The following MCM10 variants were observed in gnomAD, a reference collection of about 807,000 sequenced individuals.
MCM10 encodes protein MCM10 homolog.
Under a neutral mutation model 109.9 loss-of-function variants are expected in MCM10, and 91 were observed. The observed-to-expected ratio is 0.83, with a 90% CI of 0.70 to 0.99. MCM10 has a LOEUF of 0.99. MCM10 is among the 50% of genes least tolerant of loss of function. The pLI is 0.00. For synonymous variants in MCM10, 380 were observed against 387.2 expected (o/e 0.98, Z 0.22); for missense variants, 1,077 against 1,061.2 (o/e 1.01, Z -0.21).
intron 14 of MCM10, chr10:13,195,493 A>T: frequency 2.5e-6 from 1 of 401,806 alleles, no homozygotes; most frequent in Admixed American, 4.3e-5. Flanking sequence ...ATAGTGTTTT[A>T]TAACCAGAGG....
intron 5 of MCM10, among the ~76,000 whole-genome samples, chr10:13,173,110 G>A (rs1183257478): frequency 6.6e-6 from 1 of 152,102 alleles, no homozygotes; most frequent in African/African-American, 2.4e-5. Context: ...GCTGAGGTGG[G>A]AGGATCATTT....
Position 13,191,369 on chromosome 10 carries a change from T to C in MCM10, c.1486T>C (p.Leu496=), listed in dbSNP as rs2131578753. Reference sequence around the variant, plus strand: ...TAATCTGGTTGTTAAGGGCACAAACTTGATCATCCAGGAAACACGGCAAAA... The same window carrying C: ...TAATCTGGTTGTTAAGGGCACAAACCTGATCATCCAGGAAACACGGCAAAA... The part of the protein sequence containing the change: ...LSNLVVKGTN[L]IIQETRQKLG... Residue 496 remains leucine, a synonymous_variant, in exon 11 of 20, where the codon TTG becomes CTG. Transcript: ENST00000378714. 2 of 1,614,088 alleles carry C rather than the reference T, an allele frequency of 1.2e-6. No homozygotes were observed. Among genetic ancestry groups the C allele is most frequent in the East Asian group, 4.5e-5 (2 of 44,876 alleles).
rs960512439 is a variant in MCM10, at chr10:13,172,034, A to G, written c.350-342A>G. On this transcript the variant is annotated intron_variant, in intron 3 of 19. Coordinates refer to ENST00000378714, the MANE Select transcript of MCM10 (RefSeq NM_018518.5). This position sits in a 1 kb window ranked among gnomAD's most constrained non-coding sequence, Gnocchi z 5.2. ...TTGCGTCCTCCTGCCTCAGCCTCCC[A>G]AAATGCTGTGATTACAGGCACGAGC... Among the ~76,000 whole-genome samples, 5 of 151,974 alleles carry G rather than the reference A, an allele frequency of 3.3e-5. No individual in the cohort carries two copies. In the East Asian group the frequency reaches 9.6e-4, roughly 29 times the overall value.
chr10:13,192,606 T>C (rs1469131834), intron 13 of MCM10, 38 bp downstream of exon 13: 2 of 1,576,908 alleles, frequency 1.3e-6, no homozygotes, highest in Non-Finnish European at 1.7e-6. Flanking sequence ...GCTTGGGTCA[T>C]CCATCTCAGG....
Position 13,191,512 on chromosome 10 carries a change from A to C in MCM10, c.1516+113A>C, listed in dbSNP as rs1466454437. On this transcript the variant is annotated intron_variant, in intron 11 of 19. Coordinates refer to ENST00000378714, the MANE Select transcript of MCM10 (RefSeq NM_018518.5). The stretch of plus-strand genomic sequence containing the variant: ...CACTGCTCCGGTGATGGGTACACCA[A>C]AATCTCAGAAATCACCACTAAGAAC... 5.5e-6 allele frequency: 4 copies of C among 722,354 alleles called. No homozygotes were observed. In the East Asian group the frequency reaches 1.0e-4, roughly 19 times the overall value. 44.7% of individuals were successfully genotyped at this position (722,354 alleles called of 1,614,324 possible). A position where few individuals can be genotyped will look rare whatever the true frequency, so the allele number is the denominator to read the frequency against.
chr10:13,181,609 A>C (rs1210816509), intron 7 of MCM10, among the ~76,000 whole-genome samples: 1 of 152,194 alleles, frequency 6.6e-6, no homozygotes, highest in African/African-American at 2.4e-5. Flanking sequence ...TAGTAGGTGC[A>C]GCAAACCATC....
intron 16 of MCM10, among the ~76,000 whole-genome samples, chr10:13,200,528 C>G (rs559482955): frequency 6.6e-6 from 1 of 152,354 alleles, no homozygotes; most frequent in South Asian, 2.1e-4. Flanking sequence ...TTTCACTGGA[C>G]TTGAAACTCA....
Position 13,171,555 on chromosome 10 carries a change from G to A in MCM10, c.349+292G>A, listed in dbSNP as rs575197419. Among the ~76,000 whole-genome samples, 30 of 152,246 alleles carry A rather than the reference G, an allele frequency of 2.0e-4. No individual in the cohort carries two copies. In the South Asian group the frequency reaches 6.0e-3, roughly 30 times the overall value. ...ATAGTAGCACTTTGGGATGTATGTG[G>A]ATGTGGAGCCAGAGACAAGGTTGCA... On this transcript the variant is annotated intron_variant, in intron 3 of 19. Transcript: ENST00000378714.
chr10:13,187,399 G>T (rs571635380), intron 9 of MCM10, among the ~76,000 whole-genome samples: 6 of 152,296 alleles, frequency 3.9e-5, no homozygotes, highest in Admixed American at 1.3e-4. Flanking sequence ...CGCTTGGGTT[G>T]TTGCCACATT....
intron 2 of MCM10, among the ~76,000 whole-genome samples, chr10:13,170,674 T>C (rs188593245): frequency 1.3e-5 from 2 of 149,590 alleles, no homozygotes; most frequent in South Asian, 4.2e-4. Flanking sequence ...TAGGTTTTTG[T>C]TTTTTTTGTT....
In MCM10 at chr10:13,180,626, T is replaced by TCC; in HGVS notation, c.930+19_930+20insCC. 6.2e-7 allele frequency: 1 copy of TCC among 1,612,504 alleles called. No individual in the cohort carries two copies. Among genetic ancestry groups the TCC allele is most frequent in the Non-Finnish European group, 8.5e-7 (1 of 1,179,658 alleles). On this transcript the variant is annotated intron_variant, in intron 7 of 19. Transcript: ENST00000378714. ...GAATAGTGTAAGCCATTGTATTGGT[T>TCC]TCTTAGCTGTTTTACTACAAACTGA...
intron 15 of MCM10, 52 bp downstream of exon 15, chr10:13,197,819 A>T (rs1203861320): frequency 6.3e-7 from 1 of 1,574,936 alleles, no homozygotes; most frequent in Non-Finnish European, 8.6e-7. Flanking sequence ...TTCTAAGGGA[A>T]ATATGTTCTA....
At chr10:13,201,013 C>A (rs1329170167) in intron 16 of MCM10, among the ~76,000 whole-genome samples, 1 of 152,174 alleles carries the variant, frequency 6.6e-6, no homozygotes, top group Non-Finnish European at 1.5e-5. Context: ...GGGCATGTGG[C>A]GGGCACCTGT....
At chr10:13,163,504 T>C (rs768401664) in intron 1 of MCM10, among the ~76,000 whole-genome samples, 23 of 152,218 alleles carry the variant, frequency 1.5e-4, no homozygotes, top group Non-Finnish European at 2.6e-4. Context: ...GATACAACTT[T>C]GTCTTAATTA....
At position 13,175,566 on chromosome 10, in the gene MCM10, AT is replaced by A; in HGVS notation, c.652del (p.Ser218LeufsTer8). On this transcript the variant is annotated frameshift_variant, in exon 6 of 20. Coordinates refer to ENST00000378714, the MANE Select transcript of MCM10 (RefSeq NM_018518.5). LOFTEE classifies it high-confidence loss of function. ...TSAPSQPLQT[I>X]SRNKPSGITR... ...TGCACCCTCCCAACCCCTACAGACG[AT>A]TTCTCGGAACAAACCTAGTGGGATA... 3 of 1,613,970 alleles carry A rather than the reference AT, an allele frequency of 1.9e-6. No individual in the cohort carries two copies. The highest frequency in any genetic ancestry group is 2.5e-6 in the Non-Finnish European group (3 of 1,179,892).
intron 9 of MCM10, among the ~76,000 whole-genome samples, chr10:13,188,605 A>C (rs1307617835): frequency 6.6e-6 from 1 of 152,102 alleles, no homozygotes; most frequent in Admixed American, 6.5e-5. Flanking sequence ...CTTTCACCTA[A>C]CTTGTTTTCA....
intron 14 of MCM10, chr10:13,195,598 AT>A (rs1217976803): frequency 1.7e-5 from 1 of 60,606 alleles, no homozygotes; most frequent in Non-Finnish European, 4.0e-5. Flanking sequence ...TTATTTATTT[AT>A]TTATTTATTT....
intron 2 of MCM10, among the ~76,000 whole-genome samples, chr10:13,169,619 T>C (rs1834044160): frequency 6.6e-6 from 1 of 152,224 alleles, no homozygotes; most frequent in African/African-American, 2.4e-5. Context: ...TATTGTCCTT[T>C]ATTGGAAAAT....
At chr10:13,185,730 T>TA (rs940909655) in intron 8 of MCM10, among the ~76,000 whole-genome samples, 2 of 152,204 alleles carry the variant, frequency 1.3e-5, no homozygotes, top group African/African-American at 2.4e-5. Context: ...AAAACGGTTA[T>TA]AGAGCCCTGG....
Sources: allele counts gnomAD v4.1 joint callset (sites outside exome capture counted in the v4.1 genomes callset), GRCh38; gene constraint gnomAD v4.1.1; non-coding constraint Gnocchi (gnomAD v3.1); transcripts MANE v1.5; gene names NCBI Gene and HGNC (gene_info 2026-07-23, HGNC 2026-07-21).